XRN1: variants seen among roughly 807,000 people sequenced by gnomAD.
XRN1 encodes the protein strand-exchange protein 1 homolog.
In XRN1, 67 loss-of-function variants were observed where a neutral mutation model predicts 222.3. That is an observed-to-expected ratio of 0.30 (90% CI 0.25 to 0.37). The LOEUF (loss-of-function observed/expected upper bound fraction) is 0.37, where lower values mean the gene tolerates loss of function less well. XRN1 is among the 10% of genes least tolerant of loss of function. XRN1 has a pLI of 1.00. For missense variants in XRN1, 1,707 were observed against 2,000.2 expected (o/e 0.85, Z 2.80); for synonymous variants, 643 against 652.4 (o/e 0.99, Z 0.22).
intron 39 of XRN1, among the ~76,000 whole-genome samples, chr3:142,317,972 ATT>A (rs1560281494): frequency 6.6e-6 from 1 of 152,074 alleles, no homozygotes; most frequent in African/African-American, 2.4e-5. Context: ...GAAATCCTTT[ATT>A]ATTCAGTTTA....
chr3:142,389,329 TCCA>T lies in XRN1; in HGVS notation c.2340-4647_2340-4645del, dbSNP rs1330536834. Among the ~76,000 whole-genome samples the T allele has an allele frequency of 2.0e-5, 3 of 152,182 alleles. No homozygotes were observed. The East Asian group carries it at 5.8e-4, about 29-fold the overall frequency. The stretch of plus-strand genomic sequence containing the variant: ...TAATTCTAGCTTTTTTTTTGCTATT[TCCA>T]CCACATCTGCAGTTACTTCCTCCAC... On this transcript the variant is annotated intron_variant, in intron 20 of 40. Coordinates refer to ENST00000392981, the MANE Select transcript of XRN1 (RefSeq NM_001282857.2).
At chr3:142,337,459 G>C (rs915183855) in intron 33 of XRN1, among the ~76,000 whole-genome samples, 1 of 152,032 alleles carries the variant, frequency 6.6e-6, no homozygotes, top group African/African-American at 2.4e-5. Context: ...ACAGTGCCTT[G>C]TACTCAATAA....
chr3:142,381,077 G>A (rs1434900380), intron 22 of XRN1, among the ~76,000 whole-genome samples: 2 of 150,298 alleles, frequency 1.3e-5, no homozygotes, highest in Non-Finnish European at 3.0e-5. Context: ...TCTATCCTGG[G>A]TAATAGAGCG....
At chr3:142,404,500 A>G (rs2068269989) in intron 16 of XRN1, among the ~76,000 whole-genome samples, 1 of 152,154 alleles carries the variant, frequency 6.6e-6, no homozygotes. Context: ...TTTATTTCTT[A>G]TTTCCTTCTT....
At position 142,308,255 on chromosome 3, in the gene XRN1, T is replaced by C. The variant is rs1014226660; in HGVS notation, c.*3256A>G. On this transcript the variant is annotated 3_prime_UTR_variant, in exon 41 of 41. Coordinates refer to ENST00000392981, the MANE Select transcript of XRN1 (RefSeq NM_001282857.2). ...AGTCCAAAAATGCAGTGACTGGGTA[T>C]GTCTTATTTAACTGTTTTTCTTCTT... The C allele has an allele frequency of 6.6e-6, 1 of 152,232 alleles. No homozygotes were observed. Among genetic ancestry groups the C allele is most frequent in the African/African-American group, 2.4e-5 (1 of 41,460 alleles). 9.4% of individuals were successfully genotyped at this position (152,232 alleles called of 1,614,324 possible). A position where few individuals can be genotyped will look rare whatever the true frequency, so the allele number is the denominator to read the frequency against.
chr3:142,339,665 C>T (rs2107782851), intron 33 of XRN1, among the ~76,000 whole-genome samples: 1 of 152,266 alleles, frequency 6.6e-6, no homozygotes, highest in South Asian at 2.1e-4. Flanking sequence ...TGGTCAGGTG[C>T]ATTGGCTCAT....
At chr3:142,434,331 C>A (rs530894747) in intron 1 of XRN1, among the ~76,000 whole-genome samples, 1 of 151,678 alleles carries the variant, frequency 6.6e-6, no homozygotes, top group Non-Finnish European at 1.5e-5. Flanking sequence ...CTTTTTCACA[C>A]GCTAATTTTC....
chr3:142,411,647 G>C (rs1233379842), intron 15 of XRN1, among the ~76,000 whole-genome samples: 1 of 151,774 alleles, frequency 6.6e-6, no homozygotes, highest in African/African-American at 2.4e-5. Flanking sequence ...TTATCGTTCA[G>C]ATCAAAATAT....
chr3:142,318,877 T>C lies in XRN1; in HGVS notation c.4431A>G (p.Leu1477=). The part of the protein sequence containing the change: ...PQTMTVCQVK[L]SNGLLVHGPQ... ...GCCCATGTACCAGTAAGCCATTAGA[T>C]AATTTTACTTGGCAAACGGTCATTG... Residue 1477 remains leucine, a synonymous_variant, in exon 38 of 41, where the codon TTA becomes TTG. Coordinates refer to ENST00000392981, the MANE Select transcript of XRN1 (RefSeq NM_001282857.2). 1 of 1,613,800 alleles carries C rather than the reference T, an allele frequency of 6.2e-7. No homozygotes were observed. The highest frequency in any genetic ancestry group is 8.5e-7 in the Non-Finnish European group (1 of 1,179,870).
chr3:142,391,822 G>C (rs1577350808), intron 20 of XRN1, among the ~76,000 whole-genome samples: 1 of 148,594 alleles, frequency 6.7e-6, no homozygotes, highest in South Asian at 2.1e-4. Flanking sequence ...TGCATGAAAG[G>C]GTTTTTAATA....
chr3:142,365,434 A>G lies in XRN1; in HGVS notation c.3205-68T>C. The G allele has an allele frequency of 2.5e-6, 3 of 1,177,212 alleles. No individual in the cohort carries two copies. The South Asian group carries it at 5.8e-5, about 23-fold the overall frequency. 72.9% of individuals were successfully genotyped at this position (1,177,212 alleles called of 1,614,324 possible). On this transcript the variant is annotated intron_variant, in intron 27 of 40. Transcript: ENST00000392981. ...ATTATAAAATCACTACCTACTCACT[A>G]CTTCCACATGTCTGAATTTTAAAAA...
At chr3:142,429,858 T>A (rs918935601) in intron 2 of XRN1, 1 of 152,226 alleles carries the variant, frequency 6.6e-6, no homozygotes, top group Admixed American at 6.5e-5. Flanking sequence ...AGTATGTCTG[T>A]ATATTTCAGC....
In XRN1 at chr3:142,347,357, T is replaced by C. The variant is rs765810650; in HGVS notation, c.3769-15A>G. On this transcript the variant is annotated splice_polypyrimidine_tract_variant and intron_variant, in intron 32 of 40. Coordinates refer to ENST00000392981, the MANE Select transcript of XRN1 (RefSeq NM_001282857.2). ...AGAACTGCACCCTGAAAATTAAAATTCTTATAAATTAAACAAAATCTTAAT... is the reference window on the plus strand; with the variant it reads ...AGAACTGCACCCTGAAAATTAAAATCCTTATAAATTAAACAAAATCTTAAT... The C allele has an allele frequency of 2.0e-6, 3 of 1,492,908 alleles. No individual in the cohort carries two copies. The South Asian group carries it at 4.1e-5, about 20-fold the overall frequency. The allele number at this position is 1,492,908 out of a possible 1,614,324, so 92.5% of individuals were successfully genotyped here.
rs144212785 is a variant in XRN1, at chr3:142,416,663, A to G, written c.1436+477T>C. Reference sequence around the variant, plus strand: ...ACATTAACTAAGACCTCTTATTATGAGCCTTCTGTTAGGGCTGGAGAAAAT... The same window carrying G: ...ACATTAACTAAGACCTCTTATTATGGGCCTTCTGTTAGGGCTGGAGAAAAT... On this transcript the variant is annotated intron_variant, in intron 13 of 40. Coordinates refer to ENST00000392981, the MANE Select transcript of XRN1 (RefSeq NM_001282857.2). 8.2e-3 allele frequency among the ~76,000 whole-genome samples: 1,244 copies of G among 152,310 alleles called. 13 individuals are homozygous for G. Among genetic ancestry groups the G allele is most frequent in the African/African-American group, 0.029 (1,193 of 41,564 alleles).
intron 36 of XRN1, 127 bp from the exon 37 acceptor site, chr3:142,329,742 C>T (rs374170093): frequency 1.6e-5 from 13 of 806,854 alleles, no homozygotes; most frequent in East Asian, 3.5e-5. Context: ...TGCTCAAGGC[C>T]ACCCATTATT....
At chr3:142,409,740 G>A (rs2068491095) in intron 15 of XRN1, among the ~76,000 whole-genome samples, 1 of 152,108 alleles carries the variant, frequency 6.6e-6, no homozygotes, top group Non-Finnish European at 1.5e-5. Context: ...TCAAATTGAG[G>A]AGGACGTACA....
At chr3:142,345,133 A>C (rs2066108422) in intron 33 of XRN1, among the ~76,000 whole-genome samples, 1 of 152,192 alleles carries the variant, frequency 6.6e-6, no homozygotes, top group Admixed American at 6.5e-5. Context: ...ATGGTGTCTT[A>C]ATATGTTTCC....
At chr3:142,389,665 G>A (rs1354615558) in intron 20 of XRN1, among the ~76,000 whole-genome samples, 2 of 152,064 alleles carry the variant, frequency 1.3e-5, no homozygotes, top group African/African-American at 2.4e-5. Context: ...GATTACAGGT[G>A]TCCGCCACCA....
chr3:142,421,184 A>G lies in XRN1; in HGVS notation c.1036-31T>C, dbSNP rs1488287566. The G allele has an allele frequency of 2.7e-6, 4 of 1,502,006 alleles. No homozygotes were observed. In the Admixed American group the frequency reaches 6.9e-5, roughly 26 times the overall value. The allele number at this position is 1,502,006 out of a possible 1,614,324, so 93.0% of individuals were successfully genotyped here. On this transcript the variant is annotated intron_variant, in intron 9 of 40. Coordinates refer to ENST00000392981, the MANE Select transcript of XRN1 (RefSeq NM_001282857.2). ...CAGAAATATTTAAATTTATTTTTAA[A>G]TAATTTAAGTATATCTAGAAGAATA...
Sources: gnomAD v4.1 joint callset for allele counts (sites outside exome capture counted in the v4.1 genomes callset) on GRCh38, gnomAD v4.1.1 for gene constraint, MANE v1.5 for transcripts, NCBI Gene and HGNC (gene_info 2026-07-23, HGNC 2026-07-21) for gene names.